Variants in ANO3 observed in about 807,000 individuals in gnomAD.
ANO3 encodes the protein anoctamin 3, also known as anoctamin-3.
In ANO3, 99 loss-of-function variants were observed where a neutral mutation model predicts 144.8. That is an observed-to-expected ratio of 0.68 (90% CI 0.58 to 0.81). The LOEUF is 0.81. Ranked by LOEUF, ANO3 falls within the 30% of genes least tolerant of loss-of-function variation. The probability of loss-of-function intolerance (pLI) is 0.00; values close to 1 mark genes in which losing one functional copy is unlikely to be tolerated. For synonymous variants in ANO3, 414 were observed against 392.6 expected (o/e 1.05, Z -0.64); for missense variants, 905 against 1,202.2 (o/e 0.75, Z 3.66).
At chr11:26,634,885 T>G (rs1408583703) in intron 19 of ANO3, 128 bp from the exon 20 acceptor site, 4 of 672,702 alleles carry the variant, frequency 5.9e-6, no homozygotes, top group Admixed American at 4.4e-5. Flanking sequence ...ATAGCAGAAG[T>G]CAACTGGGGA....
At chr11:26,543,203 C>A (rs1486604293) in intron 11 of ANO3, among the ~76,000 whole-genome samples, 3 of 151,678 alleles carry the variant, frequency 2.0e-5, no homozygotes, top group Non-Finnish European at 4.4e-5. Flanking sequence ...AGGAAGAAGA[C>A]AGCCACGGCC....
chr11:26,646,411 G>T (rs907974449), intron 23 of ANO3, among the ~76,000 whole-genome samples: 21 of 151,986 alleles, frequency 1.4e-4, no homozygotes, highest in African/African-American at 5.1e-4. Flanking sequence ...CTGTAGTATA[G>T]ATCCCAATAA....
chr11:26,528,735 G>C lies in ANO3; in HGVS notation c.738-2470G>C, dbSNP rs142824627. Reference sequence around the variant, plus strand: ...GCAAATTCAGCACTAGAACACTCATGTTCCAACTCCTACCCCATTGCTTTT... The same window carrying C: ...GCAAATTCAGCACTAGAACACTCATCTTCCAACTCCTACCCCATTGCTTTT... On this transcript the variant is annotated intron_variant, in intron 7 of 26. Coordinates refer to ENST00000256737, the MANE Select transcript of ANO3 (RefSeq NM_031418.4). Among the ~76,000 whole-genome samples the C allele has an allele frequency of 2.6e-3, 403 of 152,112 alleles. 1 individual carries two copies. Among genetic ancestry groups the C allele is most frequent in the African/African-American group, 9.2e-3 (382 of 41,528 alleles).
chr11:26,543,023 G>T (rs1224204703), intron 11 of ANO3, among the ~76,000 whole-genome samples: 2 of 152,072 alleles, frequency 1.3e-5, no homozygotes, highest in Non-Finnish European at 2.9e-5. Context: ...AGAAGCATAA[G>T]CCAGGGTCAA....
At chr11:26,458,005 A>T (rs1590378060) in intron 3 of ANO3, among the ~76,000 whole-genome samples, 1 of 152,296 alleles carries the variant, frequency 6.6e-6, no homozygotes, top group East Asian at 1.9e-4. Flanking sequence ...AAAATAGGTT[A>T]CTGCCATGAT....
chr11:26,333,353 C>G (rs1295213055), intron 1 of ANO3, among the ~76,000 whole-genome samples: 1 of 150,758 alleles, frequency 6.6e-6, no homozygotes, highest in Non-Finnish European at 1.5e-5. Flanking sequence ...GCGATCTCGG[C>G]TCACTGCAAG....
upstream of ANO3, among the ~76,000 whole-genome samples, chr11:26,307,721 A>AAATAATAATAAT (rs56805697): frequency 0.023 from 3,230 of 142,458 alleles, 51 homozygotes; most frequent in East Asian, 0.04. Flanking sequence ...CTCCGTCTCT[A>AAATAATAATAAT]AATAATAATA....
At chr11:26,226,069 G>A (rs577299906) in intron 1 of ANO3, among the ~76,000 whole-genome samples, 23 of 152,042 alleles carry the variant, frequency 1.5e-4, no homozygotes, top group African/African-American at 4.6e-4. Flanking sequence ...CAAGCCTCTC[G>A]TATTCCCTAT....
intron 4 of ANO3, among the ~76,000 whole-genome samples, chr11:26,466,804 C>T (rs1859618279): frequency 6.6e-6 from 1 of 151,866 alleles, no homozygotes; most frequent in Non-Finnish European, 1.5e-5. Context: ...TGGAGACAAC[C>T]ACAAATGTTA....
upstream of ANO3, among the ~76,000 whole-genome samples, chr11:26,308,061 C>T (rs182597979): frequency 2.0e-5 from 3 of 152,258 alleles, no homozygotes; most frequent in East Asian, 3.9e-4. Flanking sequence ...ATATTTAGTT[C>T]AAATTTATTA....
chr11:26,195,571 A>C (rs1851570675), intron 1 of ANO3, among the ~76,000 whole-genome samples: 1 of 152,212 alleles, frequency 6.6e-6, no homozygotes, highest in Non-Finnish European at 1.5e-5. Context: ...GACCAAAGTG[A>C]CTAAGTTGTA....
chr11:26,210,274 G>T (rs1378018035), intron 1 of ANO3, among the ~76,000 whole-genome samples: 1 of 152,124 alleles, frequency 6.6e-6, no homozygotes, highest in East Asian at 1.9e-4. Context: ...TGTCAGGTTT[G>T]TCAAAGATCA....
intron 1 of ANO3, among the ~76,000 whole-genome samples, chr11:26,260,154 G>A (rs747604371): frequency 5.3e-5 from 8 of 151,824 alleles, no homozygotes; most frequent in Non-Finnish European, 8.8e-5. Flanking sequence ...TCTGGCACAG[G>A]CTTTTTGGGC....
chr11:26,567,134 C>T, intron 14 of ANO3: 1 of 1,425,842 alleles, frequency 7.0e-7, no homozygotes, highest in Non-Finnish European at 9.3e-7. Context: ...TGGCTAGTAA[C>T]AGAAGCTGGA....
intron 1 of ANO3, among the ~76,000 whole-genome samples, chr11:26,392,579 C>T (rs1438446370): frequency 6.6e-6 from 1 of 151,868 alleles, no homozygotes; most frequent in Non-Finnish European, 1.5e-5. Flanking sequence ...AAAGAATAGA[C>T]ACAGAGACCT....
At chr11:26,533,678 G>A (rs1216392854) in intron 8 of ANO3, among the ~76,000 whole-genome samples, 2 of 152,116 alleles carry the variant, frequency 1.3e-5, no homozygotes, top group Non-Finnish European at 2.9e-5. Context: ...TAGGCAAGAG[G>A]CAATGAGACC....
At chr11:26,460,236 T>G (rs1859336949) in intron 3 of ANO3, 4 of 321,752 alleles carry the variant, frequency 1.2e-5, no homozygotes, top group South Asian at 1.0e-4. Context: ...TTCATTTTTA[T>G]TCTGTTAATA....
intron 1 of ANO3, among the ~76,000 whole-genome samples, chr11:26,237,531 C>T (rs997150665): frequency 2.0e-5 from 3 of 151,688 alleles, no homozygotes; most frequent in Non-Finnish European, 1.5e-5. Context: ...GTCATCATAA[C>T]ACATAAATCT....
At chr11:26,599,523 TG>T (rs747673943) in intron 16 of ANO3, 26 bp from the exon 17 acceptor site, 13 of 1,596,504 alleles carry the variant, frequency 8.1e-6, no homozygotes, top group African/African-American at 8.0e-5. Flanking sequence ...AAAATATGGA[TG>T]TTTTTTCTGG....
Sources: gnomAD v4.1 joint callset for allele counts (sites outside exome capture counted in the v4.1 genomes callset) on GRCh38, gnomAD v4.1.1 for gene constraint, MANE v1.5 for transcripts, NCBI Gene and HGNC (gene_info 2026-07-23, HGNC 2026-07-21) for gene names.